The following AFAP1L1 variants were observed in gnomAD, a reference collection of about 807,000 sequenced individuals.
The protein encoded by AFAP1L1 is actin filament associated protein 1 like 1, also known as actin filament-associated protein 1-like 1.
In AFAP1L1, 77 loss-of-function variants were observed where a neutral mutation model predicts 99.8. The ratio of observed to expected loss-of-function variants is 0.77; its 90% confidence interval spans 0.64 to 0.93. The LOEUF (loss-of-function observed/expected upper bound fraction) is 0.93. Among genes scored for constraint, AFAP1L1 ranks in the 40% least tolerant of loss-of-function variants. The probability of loss-of-function intolerance (pLI) is 0.00; values close to 1 mark genes in which losing one functional copy is unlikely to be tolerated. For missense variants in AFAP1L1, 893 were observed against 996.8 expected (o/e 0.90, Z 1.40); for synonymous variants, 373 against 395.3 (o/e 0.94, Z 0.67).
In AFAP1L1 at chr5:149,306,292, C is replaced by G; in HGVS notation, c.437-14C>G. ...GCATTTCTCCAAAGTGCAGCTCTTTCTGACAACCCACAGATGGCTGCAGCC... is the reference window on the plus strand; with the variant it reads ...GCATTTCTCCAAAGTGCAGCTCTTTGTGACAACCCACAGATGGCTGCAGCC... On this transcript the variant is annotated splice_polypyrimidine_tract_variant and intron_variant, in intron 5 of 18. Coordinates refer to ENST00000296721, the MANE Select transcript of AFAP1L1 (RefSeq NM_152406.4). 2 of 1,608,398 alleles carry G rather than the reference C, an allele frequency of 1.2e-6. No individual in the cohort carries two copies. Among genetic ancestry groups the G allele is most frequent in the South Asian group, 1.1e-5 (1 of 90,048 alleles).
chr5:149,332,354 C>T (rs1454078748), intron 16 of AFAP1L1, among the ~76,000 whole-genome samples: 8 of 152,054 alleles, frequency 5.3e-5, no homozygotes, highest in African/African-American at 1.9e-4. Flanking sequence ...CTGAGATCAC[C>T]CACTGCACTC....
rs1437476429 is a variant in AFAP1L1, at chr5:149,329,536, T to C, written c.1811-130T>C. Reference sequence around the variant, plus strand: ...TTAGAGGATTCACACTAAATATATCTAAGGGACTAGGTCTAAATATTTCCA... The same window carrying C: ...TTAGAGGATTCACACTAAATATATCCAAGGGACTAGGTCTAAATATTTCCA... On this transcript the variant is annotated intron_variant, in intron 15 of 18. Transcript: ENST00000296721. 3 of 965,746 alleles carry C rather than the reference T, an allele frequency of 3.1e-6. No individual in the cohort carries two copies. In the East Asian group the frequency reaches 8.1e-5, roughly 26 times the overall value. The allele number at this position is 965,746 out of a possible 1,614,324, so 59.8% of individuals were successfully genotyped here.
At chr5:149,307,823 TCTC>T (rs1756477156) in intron 7 of AFAP1L1, among the ~76,000 whole-genome samples, 1 of 114,882 alleles carries the variant, frequency 8.7e-6, no homozygotes, top group Non-Finnish European at 1.9e-5. Flanking sequence ...TCTCTTTCTC[TCTC>T]TCTCTCTCTC....
At position 149,315,925 on chromosome 5, in the gene AFAP1L1, C is replaced by G. The variant is rs1457638424; in HGVS notation, c.1114+11C>G. 2 of 1,614,008 alleles carry G rather than the reference C, an allele frequency of 1.2e-6. No homozygotes were observed. The highest frequency in any genetic ancestry group is 1.7e-6 in the Non-Finnish European group (2 of 1,179,942). ...AGACCTGTGATCACGGTAGGAGCCTCTGGGGGCTCAGGCTGGGGAATGCTG... is the reference window on the plus strand; with the variant it reads ...AGACCTGTGATCACGGTAGGAGCCTGTGGGGGCTCAGGCTGGGGAATGCTG... On this transcript the variant is annotated intron_variant, in intron 10 of 18. Coordinates refer to ENST00000296721, the MANE Select transcript of AFAP1L1 (RefSeq NM_152406.4).
chr5:149,271,949 C>A lies in AFAP1L1; in HGVS notation c.-20C>A. 1 of 1,231,426 alleles carries A rather than the reference C, an allele frequency of 8.1e-7. No individual in the cohort carries two copies. Among genetic ancestry groups the A allele is most frequent in the Non-Finnish European group, 1.0e-6 (1 of 986,136 alleles). The allele number at this position is 1,231,426 out of a possible 1,614,324, so 76.3% of individuals were successfully genotyped here. ...GCCCCTGCGCCCTGCGGCCCGCTCCCCGGGGACCGGGCCGGCGCCATGGAC... is the reference window on the plus strand; with the variant it reads ...GCCCCTGCGCCCTGCGGCCCGCTCCACGGGGACCGGGCCGGCGCCATGGAC... On this transcript the variant is annotated 5_prime_UTR_variant, in exon 1 of 19. Coordinates refer to ENST00000296721, the MANE Select transcript of AFAP1L1 (RefSeq NM_152406.4).
chr5:149,330,479 A>G (rs1757224342), intron 16 of AFAP1L1, among the ~76,000 whole-genome samples: 1 of 152,202 alleles, frequency 6.6e-6, no homozygotes, highest in African/African-American at 2.4e-5. Flanking sequence ...ACGCTTTCCT[A>G]AGAAGAAACA....
intron 15 of AFAP1L1, 84 bp from the exon 16 acceptor site, chr5:149,329,582 G>C (rs1257585905): frequency 7.5e-7 from 1 of 1,338,202 alleles, no homozygotes; most frequent in Non-Finnish European, 1.0e-6. Flanking sequence ...GGAGAAGTTG[G>C]GGCTGAAAGA....
Position 149,341,288 on chromosome 5 carries a change from T to G in AFAP1L1, c.*1258T>G, listed in dbSNP as rs1283527803. The G allele has an allele frequency of 6.6e-6, 1 of 152,180 alleles. No homozygotes were observed. The highest frequency in any genetic ancestry group is 1.5e-5 in the Non-Finnish European group (1 of 68,044). 9.4% of individuals were successfully genotyped at this position (152,180 alleles called of 1,614,324 possible). A position where few individuals can be genotyped will look rare whatever the true frequency, so the allele number is the denominator to read the frequency against. ...TAGCCTCACTCAAACTTTATCACCC[T>G]CTGAGGTAGCTGGAGACCACAGCAG... On this transcript the variant is annotated 3_prime_UTR_variant, in exon 19 of 19. Coordinates refer to ENST00000296721, the MANE Select transcript of AFAP1L1 (RefSeq NM_152406.4).
chr5:149,292,952 G>A (rs1755905161), intron 1 of AFAP1L1, among the ~76,000 whole-genome samples: 1 of 152,314 alleles, frequency 6.6e-6, no homozygotes, highest in East Asian at 1.9e-4. Context: ...CTTGGAGGGG[G>A]TCCTTGGAAT....
In AFAP1L1 at chr5:149,343,328, T is replaced by G. The variant is rs1009140792; in HGVS notation, c.*3298T>G. 1.4e-5 allele frequency among the ~76,000 whole-genome samples: 2 copies of G among 147,274 alleles called. No homozygotes were observed. The highest frequency in any genetic ancestry group is 2.0e-4 in the East Asian group (1 of 5,076). On this transcript the variant is annotated 3_prime_UTR_variant, in exon 19 of 19. Coordinates refer to ENST00000296721, the MANE Select transcript of AFAP1L1 (RefSeq NM_152406.4). ...GCTCAAGGAACACTTCCCATTCCCT[T>G]AAAAAAAAAAATTAAGGGACTATCC... is the stretch of plus-strand genomic sequence containing the variant.
chr5:149,284,820 T>C (rs558695516), intron 1 of AFAP1L1, among the ~76,000 whole-genome samples: 2 of 152,176 alleles, frequency 1.3e-5, no homozygotes, highest in African/African-American at 2.4e-5. Flanking sequence ...AAGGGAGAGA[T>C]TGGAAAGAGG....
intron 1 of AFAP1L1, among the ~76,000 whole-genome samples, chr5:149,290,603 G>A (rs1755821290): frequency 6.6e-6 from 1 of 152,196 alleles, no homozygotes; most frequent in South Asian, 2.1e-4. Flanking sequence ...TAAATCAATT[G>A]GCAGCCGTAT....
At chr5:149,321,742 A>C (rs1202406817) in intron 14 of AFAP1L1, among the ~76,000 whole-genome samples, 1 of 151,292 alleles carries the variant, frequency 6.6e-6, no homozygotes, top group Non-Finnish European at 1.5e-5. Flanking sequence ...AAAAAAAAAA[A>C]AAAAACAACG....
chr5:149,322,723 T>A lies in AFAP1L1; in HGVS notation c.1810+6T>A, dbSNP rs1756988979. On this transcript the variant is annotated splice_donor_region_variant and intron_variant, in intron 15 of 18. Coordinates refer to ENST00000296721, the MANE Select transcript of AFAP1L1 (RefSeq NM_152406.4). ...AGTCAAACGCCACGCCTCCAGTGAG[T>A]TGTGTGTGGGCCTCCCCTGCTGACT... is the stretch of plus-strand genomic sequence containing the variant. 1.3e-6 allele frequency: 2 copies of A among 1,571,230 alleles called. No homozygotes were observed.
intron 15 of AFAP1L1, among the ~76,000 whole-genome samples, chr5:149,328,906 A>G (rs987721602): frequency 6.6e-6 from 1 of 152,200 alleles, no homozygotes; most frequent in Non-Finnish European, 1.5e-5. Context: ...TAAATAATAA[A>G]TAATTTTTGC....
intron 8 of AFAP1L1, among the ~76,000 whole-genome samples, chr5:149,310,447 T>A (rs1756591157): frequency 6.6e-6 from 1 of 152,210 alleles, no homozygotes. Flanking sequence ...GGAAGCTGAT[T>A]TCATCATTAG....
chr5:149,328,535 G>C (rs530330877), intron 15 of AFAP1L1, among the ~76,000 whole-genome samples: 8 of 152,280 alleles, frequency 5.3e-5, no homozygotes, highest in African/African-American at 1.9e-4. Context: ...TGGGCTGGGC[G>C]CAGTGGCTCA....
At chr5:149,273,939 C>T (rs1189693078) in intron 1 of AFAP1L1, among the ~76,000 whole-genome samples, 1 of 152,120 alleles carries the variant, frequency 6.6e-6, no homozygotes, top group African/African-American at 2.4e-5. Context: ...CAATAGTTCA[C>T]TTCACTTTAA....
chr5:149,294,285 G>A lies in AFAP1L1; in HGVS notation c.17-5224G>A, dbSNP rs370641110. Among the ~76,000 whole-genome samples the A allele has an allele frequency of 2.1e-4, 32 of 152,264 alleles. 1 individual carries two copies. The South Asian group carries it at 5.2e-3, about 25-fold the overall frequency. ...GTGCATTTCCAACAATCCCGCTGGA[G>A]GAGTCTTTTCTTACTAAAAATCGAA... On this transcript the variant is annotated intron_variant, in intron 1 of 18. Coordinates refer to ENST00000296721, the MANE Select transcript of AFAP1L1 (RefSeq NM_152406.4).
Sources: allele counts gnomAD v4.1 joint callset (sites outside exome capture counted in the v4.1 genomes callset), GRCh38; gene constraint gnomAD v4.1.1; transcripts MANE v1.5; gene names NCBI Gene and HGNC (gene_info 2026-07-23, HGNC 2026-07-21).